CDH13: variants seen among roughly 807,000 people sequenced by gnomAD.
CDH13 encodes the protein cadherin-13.
A neutral mutation model predicts 63.8 loss-of-function variants in CDH13; 24 were observed. The ratio of observed to expected loss-of-function variants is 0.38; its 90% CI spans 0.27 to 0.53. CDH13 has a LOEUF of 0.53. Ranked by LOEUF, CDH13 falls within the 20% of genes least tolerant of loss-of-function variation. CDH13 has a pLI of 0.85. For synonymous variants in CDH13, 503 were observed against 355.3 expected (o/e 1.42, Z -4.67); for missense variants, 1,049 against 903.1 (o/e 1.16, Z -2.07).
chr16:83,625,635 G>C lies in CDH13; in HGVS notation c.1101+23041G>C, dbSNP rs115510079. ...GCCGCTCTTTTTCCTCCCTCTTTTG[G>C]CTTCGAAAAAGTGGTGGGTCTCATG... On this transcript the variant is annotated intron_variant, in intron 8 of 13. Transcript: ENST00000567109. Among the ~76,000 whole-genome samples, 507 of 152,108 alleles carry C rather than the reference G, an allele frequency of 3.3e-3. 2 individuals are homozygous for C. The highest frequency in any genetic ancestry group is 0.012 in the African/African-American group (490 of 41,468).
chr16:83,681,133 G>C (rs1393601312), intron 10 of CDH13, among the ~76,000 whole-genome samples: 32 of 151,960 alleles, frequency 2.1e-4, no homozygotes, highest in Non-Finnish European at 5.9e-5. Context: ...CCTGGTGCCT[G>C]AGCCTGCCAC....
At chr16:82,861,290 T>G (rs2039935198) in intron 2 of CDH13, among the ~76,000 whole-genome samples, 2 of 152,338 alleles carry the variant, frequency 1.3e-5, no homozygotes, top group South Asian at 4.1e-4. Flanking sequence ...ATCTTTGCAA[T>G]ATTTAAGAGC....
intron 1 of CDH13, among the ~76,000 whole-genome samples, chr16:82,642,962 G>A (rs1191988186): frequency 6.6e-6 from 1 of 152,172 alleles, no homozygotes; most frequent in Non-Finnish European, 1.5e-5. Flanking sequence ...AAGACCACAT[G>A]TTGTATGATT....
At chr16:82,889,835 G>T (rs2041017977) in intron 2 of CDH13, among the ~76,000 whole-genome samples, 1 of 152,176 alleles carries the variant, frequency 6.6e-6, no homozygotes, top group Non-Finnish European at 1.5e-5. Flanking sequence ...TAAGTCTAAA[G>T]GGCATGGTTG....
intron 1 of CDH13, among the ~76,000 whole-genome samples, chr16:82,673,096 C>T (rs1377242020): frequency 2.1e-5 from 3 of 142,546 alleles, no homozygotes; most frequent in Non-Finnish European, 4.5e-5. Context: ...TCCACCTTGG[C>T]CTTACAGAAT....
At chr16:83,503,177 C>T (rs1468026909) in intron 7 of CDH13, among the ~76,000 whole-genome samples, 3 of 152,186 alleles carry the variant, frequency 2.0e-5, no homozygotes, top group Admixed American at 6.5e-5. Flanking sequence ...GAATCGCTCA[C>T]GTAGATTCAA....
At position 82,672,999 on chromosome 16, in the gene CDH13, C is replaced by CTTTTTCTT. The variant is rs1555531928; in HGVS notation, c.45+45867_45+45868insCTTTTTTT. ...GTATGGCTAATTTTTATAAAGTTTT[C>CTTTTTCTT]TTTTTTTTTTTTTTTTTTTTGTAGA... On this transcript the variant is annotated intron_variant, in intron 1 of 13. Transcript: ENST00000567109. Among the ~76,000 whole-genome samples, 216 of 81,270 alleles carry CTTTTTCTT rather than the reference C, an allele frequency of 2.7e-3. 6 individuals are homozygous for CTTTTTCTT. The highest frequency in any genetic ancestry group is 0.011 in the African/African-American group (204 of 18,632). The allele number at this position is 81,270 out of a possible 152,430, so 53.3% of individuals were successfully genotyped here. A position where few individuals can be genotyped will look rare whatever the true frequency, so the allele number is the denominator to read the frequency against.
At chr16:82,660,422 G>A (rs932332949) in intron 1 of CDH13, among the ~76,000 whole-genome samples, 2 of 149,110 alleles carry the variant, frequency 1.3e-5, no homozygotes, top group Non-Finnish European at 2.9e-5. Context: ...CACTATGGGC[G>A]TTCCTGTGCC....
At chr16:82,744,951 C>T (rs1454403520) in intron 1 of CDH13, among the ~76,000 whole-genome samples, 2 of 152,130 alleles carry the variant, frequency 1.3e-5, no homozygotes, top group Non-Finnish European at 2.9e-5. Context: ...CATAAATAGC[C>T]ATATGTCTCA....
intron 2 of CDH13, among the ~76,000 whole-genome samples, chr16:83,009,632 A>G (rs928770013): frequency 2.6e-5 from 4 of 152,222 alleles, no homozygotes; most frequent in Admixed American, 1.3e-4. Flanking sequence ...TTCTCTCTGC[A>G]TATTTAATAG....
chr16:82,901,455 T>A (rs966423517), intron 2 of CDH13, among the ~76,000 whole-genome samples: 40 of 151,522 alleles, frequency 2.6e-4, no homozygotes, highest in Non-Finnish European at 1.8e-4. Flanking sequence ...ACAAAGATGG[T>A]GGGCTGAGAT....
At chr16:83,143,561 A>G (rs1472966992) in intron 4 of CDH13, among the ~76,000 whole-genome samples, 1 of 152,192 alleles carries the variant, frequency 6.6e-6, no homozygotes, top group Non-Finnish European at 1.5e-5. Flanking sequence ...GAGTTGTTTT[A>G]TACACTAGTT....
chr16:83,434,043 G>A (rs988824443), intron 6 of CDH13, among the ~76,000 whole-genome samples: 1 of 152,106 alleles, frequency 6.6e-6, no homozygotes, highest in Non-Finnish European at 1.5e-5. Flanking sequence ...AAGGTGAGAG[G>A]TTTCCCAGAA....
intron 7 of CDH13, among the ~76,000 whole-genome samples, chr16:83,570,853 A>T (rs1387297220): frequency 7.6e-6 from 1 of 132,356 alleles, no homozygotes; most frequent in African/African-American, 2.8e-5. Context: ...TATATATATA[A>T]ATATAAATAT....
chr16:82,631,703 G>A (rs1908027670), intron 1 of CDH13, among the ~76,000 whole-genome samples: 1 of 152,216 alleles, frequency 6.6e-6, no homozygotes, highest in Non-Finnish European at 1.5e-5. Context: ...TCCTGCAGTA[G>A]GCACTCAGCA....
chr16:82,915,231 G>A lies in CDH13; in HGVS notation c.157+56758G>A, dbSNP rs1477256064. On this transcript the variant is annotated intron_variant, in intron 2 of 13. Transcript: ENST00000567109. ...ATTGTCCTTTTTATGGTCAATCAAGGCGGTCTTAGGATATAGATTTAATAT... is the reference window on the plus strand; with the variant it reads ...ATTGTCCTTTTTATGGTCAATCAAGACGGTCTTAGGATATAGATTTAATAT... 2.0e-5 allele frequency among the ~76,000 whole-genome samples: 3 copies of A among 152,242 alleles called. No homozygotes were observed. In the East Asian group the frequency reaches 5.8e-4, roughly 29 times the overall value.
chr16:83,787,257 G>C (rs1264197934), intron 13 of CDH13, among the ~76,000 whole-genome samples: 2 of 152,190 alleles, frequency 1.3e-5, no homozygotes. Flanking sequence ...TAAAGGGCCA[G>C]GTGGCTTTGT....
chr16:82,784,959 C>G (rs2035934617), intron 1 of CDH13, among the ~76,000 whole-genome samples: 1 of 152,182 alleles, frequency 6.6e-6, no homozygotes. Context: ...CTGCTCCGGG[C>G]TGAGATGGAA....
At chr16:83,097,730 G>A (rs554781389) in intron 3 of CDH13, among the ~76,000 whole-genome samples, 5 of 152,266 alleles carry the variant, frequency 3.3e-5, no homozygotes, top group African/African-American at 7.2e-5. Context: ...AAATTTGTTC[G>A]TAAAGAGCAA....
Sources: allele counts gnomAD v4.1 joint callset (sites outside exome capture counted in the v4.1 genomes callset), GRCh38; gene constraint gnomAD v4.1.1; transcripts MANE v1.5; gene names NCBI Gene and HGNC (gene_info 2026-07-23, HGNC 2026-07-21).